Variants in TJP2 observed in about 807,000 individuals in gnomAD.
TJP2 encodes the protein tight junction protein 2, also known as Friedreich ataxia region gene X104 (tight junction protein ZO-2).
TJP2 carries 91 observed loss-of-function variants against 133.1 expected under a neutral mutation model. The observed-to-expected ratio is 0.68, with a 90% CI of 0.58 to 0.81. The LOEUF is 0.81. Ranked by LOEUF, TJP2 falls within the 40% of genes least tolerant of loss-of-function variation. The probability of loss-of-function intolerance (pLI) is 0.00; values close to 1 mark genes in which losing one functional copy is unlikely to be tolerated. For missense variants in TJP2, 1,541 were observed against 1,565.6 expected, an observed-to-expected ratio of 0.98 and a Z score of 0.26; for synonymous variants, 592 against 583.4, an observed-to-expected ratio of 1.01 and a Z score of -0.21.
At position 69,240,036 on chromosome 9, in the gene TJP2, C is replaced by A; in HGVS notation, c.2455C>A (p.Gln819Lys). 1 of 1,614,018 alleles carries A rather than the reference C, an allele frequency of 6.2e-7. No homozygotes were observed. Among genetic ancestry groups the A allele is most frequent in the South Asian group, 1.1e-5 (1 of 91,072 alleles). The change falls in exon 17 of 23, where the codon CAA (glutamine) becomes AAA (lysine). Residue 819 changes from glutamine to lysine, a missense_variant. Coordinates refer to ENST00000377245, the MANE Select transcript of TJP2 (RefSeq NM_004817.4). ...IVIFFNPDSR[Q>K]GVKTMRQRLN... ...GATTTTTTTCAACCCAGACTCCAGA[C>A]AAGGTGTCAAAACCATGAGACAAAG...
chr9:69,200,151 CG>C (rs138474665), intron 1 of TJP2, among the ~76,000 whole-genome samples: 3,015 of 152,286 alleles, frequency 0.02, 49 homozygotes, highest in Non-Finnish European at 0.031. Context: ...GTTTACTGCC[CG>C]GCCGCACTGA....
At position 69,248,002 on chromosome 9, in the gene TJP2, A is replaced by C. The variant is rs1588154033; in HGVS notation, c.2668-10A>C. 6.3e-7 allele frequency: 1 copy of C among 1,584,764 alleles called. No individual in the cohort carries two copies. Among genetic ancestry groups the C allele is most frequent in the East Asian group, 2.3e-5 (1 of 44,398 alleles). On this transcript the variant is annotated splice_polypyrimidine_tract_variant and intron_variant, in intron 18 of 22. Coordinates refer to ENST00000377245, the MANE Select transcript of TJP2 (RefSeq NM_004817.4). ...AGACCCCACTGACCGTCCAACACAAATTCCTCTAGATGGAAGGGATGGATG... is the reference window on the plus strand; with the variant it reads ...AGACCCCACTGACCGTCCAACACAACTTCCTCTAGATGGAAGGGATGGATG...
At chr9:69,202,046 A>G (rs1347021589) in intron 1 of TJP2, among the ~76,000 whole-genome samples, 1 of 152,198 alleles carries the variant, frequency 6.6e-6, no homozygotes, top group East Asian at 1.9e-4. Flanking sequence ...CTGAAGTGTG[A>G]ATATACTACT....
At chr9:69,253,046 A>G (rs1831457401) in intron 22 of TJP2, 146 bp downstream of exon 22, 8 of 715,148 alleles carry the variant, frequency 1.1e-5, no homozygotes, top group South Asian at 1.8e-5. Context: ...CATTCCATCA[A>G]ATTTAATTGT....
chr9:69,140,158 T>G (rs1266496629), intron 1 of TJP2, among the ~76,000 whole-genome samples: 2 of 152,160 alleles, frequency 1.3e-5, no homozygotes, highest in Non-Finnish European at 2.9e-5. Flanking sequence ...AAACCCAGTC[T>G]GGGGATTCAA....
chr9:69,145,225 G>C lies in TJP2; in HGVS notation c.-130-6426G>C, dbSNP rs550361192. Among the ~76,000 whole-genome samples the C allele has an allele frequency of 2.0e-5, 3 of 152,270 alleles. No homozygotes were observed. In the South Asian group the frequency reaches 6.2e-4, roughly 32 times the overall value. ...GACAACTAGAATTCCTTCCTCACTT[G>C]TCAAAGCACAGGCTTTTAGAGAGAG... On this transcript the variant is annotated intron_variant, in intron 1 of 5. Transcript: ENST00000423935.
chr9:69,229,823 T>C (rs1275080525), intron 10 of TJP2, among the ~76,000 whole-genome samples: 1 of 152,212 alleles, frequency 6.6e-6, no homozygotes, highest in African/African-American at 2.4e-5. Context: ...TTATTTGCTT[T>C]CTCATCTTGA....
chr9:69,254,870 C>G lies in TJP2; in HGVS notation c.*496C>G, dbSNP rs1017483572. The G allele has an allele frequency of 2.3e-6, 1 of 431,122 alleles. No individual in the cohort carries two copies. Among genetic ancestry groups the G allele is most frequent in the Non-Finnish European group, 4.1e-6 (1 of 245,286 alleles). 26.7% of individuals were successfully genotyped at this position (431,122 alleles called of 1,614,324 possible). On this transcript the variant is annotated 3_prime_UTR_variant, in exon 23 of 23. Transcript: ENST00000377245. ...TGTCTTAAATTTTCTTCCTTTGAAG[C>G]TTTAGGCAGAGCCATAATGGACTAA... is the stretch of plus-strand genomic sequence containing the variant.
intron 12 of TJP2, 28 bp from the exon 13 acceptor site, chr9:69,236,000 T>G: frequency 6.2e-7 from 1 of 1,607,874 alleles, no homozygotes; most frequent in Non-Finnish European, 8.5e-7. Context: ...CTAAGCTGAA[T>G]GCAACAAACG....
chr9:69,199,255 G>GC (rs1826816626), intron 1 of TJP2, among the ~76,000 whole-genome samples: 1 of 152,150 alleles, frequency 6.6e-6, no homozygotes, highest in Non-Finnish European at 1.5e-5. Context: ...ACCAGAGGGG[G>GC]CTGAACGTGG....
At chr9:69,236,283 C>A (rs762611986) in intron 13 of TJP2, 45 bp downstream of exon 13, 1 of 1,600,758 alleles carries the variant, frequency 6.2e-7, no homozygotes, top group South Asian at 1.1e-5. Flanking sequence ...ATCCTTCCCC[C>A]TGCAGAAAAC....
rs150089293 is a variant in TJP2, at chr9:69,144,905, C to A, written c.-130-6746C>A. Among the ~76,000 whole-genome samples the A allele has an allele frequency of 4.8e-3, 726 of 151,632 alleles. 6 individuals are homozygous for A. The highest frequency in any genetic ancestry group is 0.016 in the African/African-American group (661 of 40,948). On this transcript the variant is annotated intron_variant, in intron 1 of 5. Transcript: ENST00000423935. ...TATGTGGATCATGTGTACCATGGCC[C>A]ATTGAGTGGGCCACCATGATAGGTG...
intron 2 of TJP2, among the ~76,000 whole-genome samples, chr9:69,157,355 C>T (rs749296933): frequency 5.3e-5 from 8 of 152,030 alleles, no homozygotes; most frequent in Non-Finnish European, 7.4e-5. Flanking sequence ...AGTAGTTTGC[C>T]GAAGCCACAG....
rs759294307 is a variant in TJP2 at position 69,234,514 on chromosome 9, A to G, written c.1747A>G (p.Met583Val). 5.2e-6 allele frequency: 7 copies of G among 1,349,864 alleles called. No individual in the cohort carries two copies. The highest frequency in any genetic ancestry group is 5.0e-5 in the African/African-American group (3 of 59,886). 83.6% of individuals were successfully genotyped at this position (1,349,864 alleles called of 1,614,324 possible). A position where few individuals can be genotyped will look rare whatever the true frequency, so the allele number is the denominator to read the frequency against. ...LYLLEIPKGE[M>V]VTILAQSRAD... ...CCTGTTAGAAATCCCTAAAGGTGAAATGGTGACCATTTTAGCTCAGAGCCG... is the reference window on the plus strand; with the variant it reads ...CCTGTTAGAAATCCCTAAAGGTGAAGTGGTGACCATTTTAGCTCAGAGCCG... Residue 583 changes from methionine to valine, a missense_variant, in exon 12 of 23, where the codon ATG becomes GTG. Transcript: ENST00000377245.
intron 1 of TJP2, among the ~76,000 whole-genome samples, chr9:69,183,318 C>T (rs1396928927): frequency 6.6e-6 from 1 of 152,170 alleles, no homozygotes; most frequent in African/African-American, 2.4e-5. Flanking sequence ...GGAAGGTTCT[C>T]TCTTGCCACT....
At chr9:69,152,301 A>G (rs143209132) in intron 2 of TJP2, among the ~76,000 whole-genome samples, 1 of 152,364 alleles carries the variant, frequency 6.6e-6, no homozygotes, top group East Asian at 1.9e-4. Flanking sequence ...AGAGTGAATC[A>G]AATGAGATTT....
chr9:69,191,127 GCACT>G (rs1826176358), intron 1 of TJP2, among the ~76,000 whole-genome samples: 1 of 123,232 alleles, frequency 8.1e-6, no homozygotes, highest in East Asian at 3.3e-4. Context: ...TTGGATCTGA[GCACT>G]GACAGACAGG....
chr9:69,187,197 G>A (rs1259592092), intron 1 of TJP2, among the ~76,000 whole-genome samples: 1 of 152,110 alleles, frequency 6.6e-6, no homozygotes, highest in Non-Finnish European at 1.5e-5. Context: ...TGTCTATGTG[G>A]GGGAAAAACA....
At chr9:69,184,856 T>A (rs1288360712) in intron 1 of TJP2, among the ~76,000 whole-genome samples, 1 of 118,030 alleles carries the variant, frequency 8.5e-6, no homozygotes, top group Non-Finnish European at 1.9e-5. Flanking sequence ...GCTCAAGTGA[T>A]CCTCTCACCT....
Sources: allele counts gnomAD v4.1 joint callset (sites outside exome capture counted in the v4.1 genomes callset), GRCh38; gene constraint gnomAD v4.1.1; transcripts MANE v1.5; gene names NCBI Gene and HGNC (gene_info 2026-07-23, HGNC 2026-07-21).